Variants in PCDH9 observed in about 807,000 individuals in gnomAD.
The protein encoded by PCDH9 is protocadherin-9.
In PCDH9, 24 loss-of-function variants were observed where a neutral mutation model predicts 70.6. The observed-to-expected ratio is 0.34, with a 90% CI of 0.25 to 0.48. The LOEUF is 0.48. Among genes scored for constraint, PCDH9 ranks in the 20% least tolerant of loss-of-function variants. The pLI, the probability that PCDH9 is intolerant of heterozygous loss-of-function variation, is 0.99. For missense variants in PCDH9, 1,281 were observed against 1,503.6 expected (o/e 0.85, Z 2.45); for synonymous variants, 562 against 558.5 (o/e 1.01, Z -0.09).
rs566037387 is a variant in PCDH9, at chr13:66,925,740, A to G, written c.3037-22135T>C. Among the ~76,000 whole-genome samples the G allele has an allele frequency of 3.9e-5, 6 of 152,090 alleles. No individual in the cohort carries two copies. The South Asian group carries it at 1.2e-3, about 32-fold the overall frequency. On this transcript the variant is annotated intron_variant, in intron 2 of 4. Coordinates refer to ENST00000377865, the MANE Select transcript of PCDH9 (RefSeq NM_203487.3). Reference sequence around the variant, plus strand: ...CAAACAAACATATCATAATATAATAATATGTAATAAAATAAGTAGATAGTA... The same window carrying G: ...CAAACAAACATATCATAATATAATAGTATGTAATAAAATAAGTAGATAGTA...
chr13:67,037,087 T>C, intron 2 of PCDH9, among the ~76,000 whole-genome samples: 1 of 152,124 alleles, frequency 6.6e-6, no homozygotes, highest in East Asian at 1.9e-4. Context: ...AGCTTTAGAG[T>C]GCCCCTCAAT....
chr13:67,000,251 A>G (rs2084212018), intron 2 of PCDH9, among the ~76,000 whole-genome samples: 2 of 148,260 alleles, frequency 1.3e-5, no homozygotes, highest in Admixed American at 6.8e-5. Flanking sequence ...CAAACACTGC[A>G]TATTCTCACT....
chr13:66,333,106 G>A, intron 4 of PCDH9, among the ~76,000 whole-genome samples: 1 of 152,034 alleles, frequency 6.6e-6, no homozygotes, highest in South Asian at 2.1e-4. Context: ...TTGCAAGGAA[G>A]ACTTTCTTAC....
At chr13:67,128,715 A>G (rs2087037687) in intron 2 of PCDH9, among the ~76,000 whole-genome samples, 1 of 152,182 alleles carries the variant, frequency 6.6e-6, no homozygotes, top group Non-Finnish European at 1.5e-5. Flanking sequence ...GCTTTTGTGG[A>G]TAAACGATAG....
intron 2 of PCDH9, among the ~76,000 whole-genome samples, chr13:66,926,067 G>C (rs868686544): frequency 2.1e-4 from 32 of 151,948 alleles, no homozygotes; most frequent in Middle Eastern, 6.8e-3. Context: ...CCTTGTCTAA[G>C]CAATGGGAGG....
intron 4 of PCDH9, among the ~76,000 whole-genome samples, chr13:66,339,156 A>C (rs1357361796): frequency 6.6e-6 from 1 of 152,188 alleles, no homozygotes; most frequent in African/African-American, 2.4e-5. Context: ...CCACAGTTGT[A>C]GCTTTTATGA....
chr13:66,662,244 G>A (rs532585842), intron 3 of PCDH9, among the ~76,000 whole-genome samples: 11 of 152,064 alleles, frequency 7.2e-5, no homozygotes, highest in South Asian at 4.2e-4. Context: ...GGGCTGAGGC[G>A]GGCGGATCAC....
chr13:67,159,646 A>G (rs1371299799), intron 2 of PCDH9, among the ~76,000 whole-genome samples: 4 of 152,222 alleles, frequency 2.6e-5, no homozygotes, highest in Non-Finnish European at 5.9e-5. Flanking sequence ...AACCTTTAAG[A>G]TAACTGGAGA....
intron 2 of PCDH9, among the ~76,000 whole-genome samples, chr13:66,925,193 A>G (rs1266433238): frequency 6.6e-6 from 1 of 151,886 alleles, no homozygotes; most frequent in Non-Finnish European, 1.5e-5. Context: ...GTGACAGATG[A>G]TTGTTCAGAG....
chr13:66,600,878 G>T (rs1430917594), intron 4 of PCDH9, among the ~76,000 whole-genome samples: 2 of 143,998 alleles, frequency 1.4e-5, no homozygotes, highest in Non-Finnish European at 3.1e-5. Context: ...ACAAGTCCCA[G>T]GGAACACTCT....
intron 2 of PCDH9, among the ~76,000 whole-genome samples, chr13:67,181,774 C>A (rs927331458): frequency 1.1e-4 from 16 of 152,114 alleles, no homozygotes; most frequent in African/African-American, 3.9e-4. Context: ...AAAAAAAACA[C>A]CACTACAAAA....
chr13:66,954,168 T>C (rs61959226), intron 2 of PCDH9, among the ~76,000 whole-genome samples: 1 of 152,176 alleles, frequency 6.6e-6, no homozygotes, highest in Non-Finnish European at 1.5e-5. Context: ...TTTCTTAATG[T>C]TCCCCAACTG....
intron 4 of PCDH9, among the ~76,000 whole-genome samples, chr13:66,451,970 T>C (rs1958222158): frequency 6.6e-6 from 1 of 152,210 alleles, no homozygotes; most frequent in Non-Finnish European, 1.5e-5. Flanking sequence ...TGCTTGTTTT[T>C]AAATCCGGGC....
intron 3 of PCDH9, among the ~76,000 whole-genome samples, chr13:66,634,772 T>C (rs2077615985): frequency 6.6e-6 from 1 of 152,180 alleles, no homozygotes. Context: ...GTTTTAAAGA[T>C]GTGATTCCCT....
At chr13:67,000,147 C>A (rs1448795817) in intron 2 of PCDH9, among the ~76,000 whole-genome samples, 3 of 152,010 alleles carry the variant, frequency 2.0e-5, no homozygotes, top group Non-Finnish European at 2.9e-5. Flanking sequence ...GAATACTATG[C>A]AGCCATAAAA....
intron 2 of PCDH9, among the ~76,000 whole-genome samples, chr13:66,942,843 C>G (rs1428444559): frequency 3.3e-5 from 5 of 152,058 alleles, no homozygotes; most frequent in African/African-American, 1.2e-4. Context: ...CTTAAATGGC[C>G]TGAGCCAAGT....
intron 4 of PCDH9, among the ~76,000 whole-genome samples, chr13:66,598,149 C>T (rs868204516): frequency 1.2e-4 from 18 of 151,718 alleles, no homozygotes; most frequent in Admixed American, 2.6e-4. Flanking sequence ...TGCAAAATGG[C>T]GTGACCACTA....
At chr13:66,513,766 A>G (rs1381535655) in intron 4 of PCDH9, among the ~76,000 whole-genome samples, 4 of 150,820 alleles carry the variant, frequency 2.7e-5, no homozygotes, top group African/African-American at 4.9e-5. Context: ...CCCTTGAAAT[A>G]AGTTGAAGTC....
chr13:66,587,765 T>C (rs1347557014), intron 4 of PCDH9, among the ~76,000 whole-genome samples: 1 of 146,876 alleles, frequency 6.8e-6, no homozygotes, highest in Non-Finnish European at 1.5e-5. Context: ...GGTTCAGCAA[T>C]ACAACAGAAG....
Sources: gnomAD v4.1 joint callset for allele counts (sites outside exome capture counted in the v4.1 genomes callset) on GRCh38, gnomAD v4.1.1 for gene constraint, MANE v1.5 for transcripts, NCBI Gene and HGNC (gene_info 2026-07-23, HGNC 2026-07-21) for gene names.